RARB: variants seen among roughly 807,000 people sequenced by gnomAD.
RARB encodes HBV-activated protein.
A neutral mutation model predicts 51.9 loss-of-function variants in RARB; 17 were observed. The observed-to-expected ratio is 0.33, with a 90% CI of 0.22 to 0.49. The LOEUF is 0.49. Ranked by LOEUF, RARB falls within the 20% of genes least tolerant of loss-of-function variation. The pLI is 0.99. For missense variants in RARB, 369 were observed against 550.8 expected, an observed-to-expected ratio of 0.67 and a Z score of 3.30; for synonymous variants, 215 against 195.4, an observed-to-expected ratio of 1.10 and a Z score of -0.84.
rs1701907142 is a variant in RARB, at chr3:25,597,593, T to A, written c.*977T>A. ...TCCTGATTCATGCCTGATATTGGGA[T>A]TTTTTTTTCCAGCCTTCTTGATGCC... is the stretch of plus-strand genomic sequence containing the variant. On this transcript the variant is annotated 3_prime_UTR_variant, in exon 8 of 8. Transcript: ENST00000330688. The A allele has an allele frequency of 6.8e-6, 1 of 146,296 alleles. No individual in the cohort carries two copies. The highest frequency in any genetic ancestry group is 1.5e-5 in the Non-Finnish European group (1 of 67,608). The allele number at this position is 146,296 out of a possible 1,614,324, so 9.1% of individuals were successfully genotyped here.
intron 2 of RARB, among the ~76,000 whole-genome samples, chr3:24,877,544 A>G (rs1366825409): frequency 1.3e-5 from 2 of 151,992 alleles, no homozygotes; most frequent in Non-Finnish European, 2.9e-5. Flanking sequence ...ACTTCTAAAG[A>G]TGATGGTTCA....
intron 2 of RARB, among the ~76,000 whole-genome samples, chr3:25,489,351 G>C (rs1381820694): frequency 6.6e-6 from 1 of 152,142 alleles, no homozygotes; most frequent in Non-Finnish European, 1.5e-5. Context: ...ATTGCTGCCT[G>C]AATTTATGAT....
At chr3:25,246,799 T>G (rs899950505) in intron 5 of RARB, among the ~76,000 whole-genome samples, 2 of 152,168 alleles carry the variant, frequency 1.3e-5, no homozygotes, top group Non-Finnish European at 2.9e-5. Context: ...GCACAGGGTT[T>G]GGAGACCCAC....
intron 5 of RARB, among the ~76,000 whole-genome samples, chr3:25,268,691 T>C (rs988976529): frequency 6.6e-6 from 1 of 152,204 alleles, no homozygotes; most frequent in Non-Finnish European, 1.5e-5. Context: ...GATCCACTTT[T>C]ACCCATTGTT....
chr3:25,137,442 A>G (rs1575177395), intron 4 of RARB, among the ~76,000 whole-genome samples: 1 of 152,180 alleles, frequency 6.6e-6, no homozygotes, highest in East Asian at 1.9e-4. Context: ...TATATGTTAC[A>G]GGTTTGGGGT....
chr3:25,372,744 T>G (rs1706338704), intron 5 of RARB, among the ~76,000 whole-genome samples: 1 of 152,126 alleles, frequency 6.6e-6, no homozygotes, highest in Non-Finnish European at 1.5e-5. Flanking sequence ...GAGAATCACT[T>G]CAACCTGAGA....
At chr3:25,126,643 G>A (rs1213252433) in intron 3 of RARB, among the ~76,000 whole-genome samples, 1 of 152,134 alleles carries the variant, frequency 6.6e-6, no homozygotes, top group Admixed American at 6.5e-5. Flanking sequence ...AGGTGATGCA[G>A]TGCTGCTGGC....
At chr3:25,555,358 CGTTGTTTT>C (rs1700015924) in intron 3 of RARB, among the ~76,000 whole-genome samples, 2 of 152,088 alleles carry the variant, frequency 1.3e-5, no homozygotes, top group Non-Finnish European at 2.9e-5. Flanking sequence ...CTCTTCCCTG[CGTTGTTTT>C]TCTTCATAAC....
At chr3:25,517,756 G>C (rs1473176743) in intron 3 of RARB, among the ~76,000 whole-genome samples, 1 of 152,106 alleles carries the variant, frequency 6.6e-6, no homozygotes, top group Non-Finnish European at 1.5e-5. Flanking sequence ...TGCATTAATT[G>C]ATGAATAGAC....
At chr3:25,288,515 A>G (rs949109438) in intron 5 of RARB, among the ~76,000 whole-genome samples, 1 of 152,204 alleles carries the variant, frequency 6.6e-6, no homozygotes, top group African/African-American at 2.4e-5. Context: ...AGCTGCATTC[A>G]TTTAAATAAC....
intron 5 of RARB, among the ~76,000 whole-genome samples, chr3:25,359,588 T>C (rs1045164762): frequency 1.3e-5 from 2 of 152,232 alleles, no homozygotes; most frequent in African/African-American, 2.4e-5. Flanking sequence ...TTTAGATCTT[T>C]CCTGCTTTCT....
chr3:25,041,680 G>GGTTC (rs1698117752), intron 2 of RARB, among the ~76,000 whole-genome samples: 1 of 151,650 alleles, frequency 6.6e-6, no homozygotes, highest in Admixed American at 6.6e-5. Flanking sequence ...TAGATTCAGG[G>GGTTC]GTTCTTAAGA....
chr3:24,986,533 T>C (rs571682510), intron 2 of RARB, among the ~76,000 whole-genome samples: 1 of 152,242 alleles, frequency 6.6e-6, no homozygotes, highest in African/African-American at 2.4e-5. Context: ...TTTGTGGTTT[T>C]AGTTAAAGAA....
intron 3 of RARB, among the ~76,000 whole-genome samples, chr3:25,524,939 G>T (rs112775192): frequency 6.6e-6 from 1 of 151,808 alleles, no homozygotes; most frequent in Admixed American, 6.6e-5. Flanking sequence ...ATGTTGGCCC[G>T]ACTGGTCTCA....
rs547759386 is a variant in RARB at position 24,910,505 on chromosome 3, A to G, written c.-380+51753A>G. On this transcript the variant is annotated intron_variant, in intron 2 of 11. Transcript: ENST00000383772. ...GGACCTGTGAATAATCTGTGTTTAC[A>G]AAGGAGAGCTGTTTTAGTTAAAATA... Among the ~76,000 whole-genome samples, 7 of 152,348 alleles carry G rather than the reference A, an allele frequency of 4.6e-5. No individual in the cohort carries two copies. The East Asian group carries it at 5.8e-4, about 13-fold the overall frequency.
intron 2 of RARB, among the ~76,000 whole-genome samples, chr3:25,001,305 C>A (rs1259623018): frequency 6.6e-6 from 1 of 152,136 alleles, no homozygotes; most frequent in Non-Finnish European, 1.5e-5. Context: ...AGCATGAGAA[C>A]ATTTCAACAG....
chr3:25,146,532 G>C (rs1288536611), intron 4 of RARB, among the ~76,000 whole-genome samples: 1 of 113,844 alleles, frequency 8.8e-6, no homozygotes, highest in Non-Finnish European at 1.8e-5. Flanking sequence ...TTTGAGACAA[G>C]AGTCTCGCTC....
chr3:25,073,576 G>A (rs2125309586), intron 3 of RARB, among the ~76,000 whole-genome samples: 1 of 152,310 alleles, frequency 6.6e-6, no homozygotes, highest in East Asian at 1.9e-4. Context: ...AGAGTATGAA[G>A]CATTTCTCAA....
At chr3:25,074,784 A>T (rs546243336) in intron 3 of RARB, among the ~76,000 whole-genome samples, 33 of 152,318 alleles carry the variant, frequency 2.2e-4, no homozygotes, top group African/African-American at 7.9e-4. Flanking sequence ...TCACTTTTGT[A>T]ACCTGGCATA....
Sources: gnomAD v4.1 joint callset for allele counts (sites outside exome capture counted in the v4.1 genomes callset) on GRCh38, gnomAD v4.1.1 for gene constraint, MANE v1.5 for transcripts, NCBI Gene and HGNC (gene_info 2026-07-23, HGNC 2026-07-21) for gene names.